WWOX: variants seen among roughly 807,000 people sequenced by gnomAD.
WWOX encodes the protein WW domain-containing oxidoreductase.
A neutral mutation model predicts 46.2 loss-of-function variants in WWOX; 69 were observed. The observed-to-expected ratio is 1.49, with a 90% CI of 1.23 to 1.82. The LOEUF is 1.82. Among genes scored for constraint, WWOX ranks in the 40% most tolerant of loss-of-function variants. The probability of loss-of-function intolerance (pLI) is 0.00; values close to 1 mark genes in which losing one functional copy is unlikely to be tolerated. For synonymous variants in WWOX, 359 were observed against 202.6 expected (o/e 1.77, Z -6.56); for missense variants, 919 against 542.6 (o/e 1.69, Z -6.89).
chr16:78,473,148 G>C (rs1165548656), intron 8 of WWOX, among the ~76,000 whole-genome samples: 1 of 152,142 alleles, frequency 6.6e-6, no homozygotes, highest in Non-Finnish European at 1.5e-5. Flanking sequence ...TGTTTGCTTT[G>C]AGACCGAGTC....
intron 8 of WWOX, among the ~76,000 whole-genome samples, chr16:78,778,187 G>C (rs1324678208): frequency 1.3e-5 from 2 of 152,206 alleles, no homozygotes; most frequent in African/African-American, 4.8e-5. Flanking sequence ...TTAAATCAGG[G>C]TGTGCCTGAT....
chr16:78,356,462 G>C (rs993764394), intron 5 of WWOX, among the ~76,000 whole-genome samples: 1 of 152,128 alleles, frequency 6.6e-6, no homozygotes, highest in Non-Finnish European at 1.5e-5. Context: ...GAAGGAAGGA[G>C]ATATGACACA....
intron 8 of WWOX, among the ~76,000 whole-genome samples, chr16:78,434,972 T>C (rs528472251): frequency 1.3e-5 from 2 of 152,330 alleles, no homozygotes; most frequent in African/African-American, 2.4e-5. Flanking sequence ...GAAGAGTTGA[T>C]TATTATCTAA....
chr16:78,844,873 G>T (rs1004091301), intron 8 of WWOX, among the ~76,000 whole-genome samples: 2 of 152,146 alleles, frequency 1.3e-5, no homozygotes, highest in African/African-American at 4.8e-5. Flanking sequence ...ACCAGGGACT[G>T]AGCATACACC....
Position 78,903,471 on chromosome 16 carries a change from C to G in WWOX, c.1057-308137C>G, listed in dbSNP as rs148130937. Among the ~76,000 whole-genome samples the G allele has an allele frequency of 4.6e-4, 70 of 152,348 alleles. 1 individual carries two copies. Among genetic ancestry groups the G allele is most frequent in the Middle Eastern group, 6.8e-3 (2 of 294 alleles). On this transcript the variant is annotated intron_variant, in intron 8 of 8. Coordinates refer to ENST00000566780, the MANE Select transcript of WWOX (RefSeq NM_016373.4). Reference sequence around the variant, plus strand: ...CAAAGTTACACTCCTATGCAAACGTCTGATTGGTTGCAAAAAGCAAAACCA... The same window carrying G: ...CAAAGTTACACTCCTATGCAAACGTGTGATTGGTTGCAAAAAGCAAAACCA...
At chr16:78,242,060 G>C (rs1367748637) in intron 5 of WWOX, among the ~76,000 whole-genome samples, 1 of 152,196 alleles carries the variant, frequency 6.6e-6, no homozygotes, top group Non-Finnish European at 1.5e-5. Context: ...ATAGAGTCTT[G>C]GTGCAGGAGC....
intron 8 of WWOX, among the ~76,000 whole-genome samples, chr16:78,930,023 G>A (rs1392744675): frequency 6.6e-6 from 1 of 152,070 alleles, no homozygotes; most frequent in African/African-American, 2.4e-5. Flanking sequence ...GGGGTGGCAG[G>A]GAAGTCCCAC....
At chr16:79,203,466 C>A (rs2051406904) in intron 8 of WWOX, 1 of 151,804 alleles carries the variant, frequency 6.6e-6, no homozygotes, top group South Asian at 2.1e-4. Flanking sequence ...TAATTCCTTC[C>A]CATGATGTGG....
chr16:78,900,217 A>T (rs762113009), intron 8 of WWOX, among the ~76,000 whole-genome samples: 5 of 152,052 alleles, frequency 3.3e-5, no homozygotes, highest in African/African-American at 4.8e-5. Flanking sequence ...ACATTTGTTT[A>T]TGACGAGATT....
At chr16:78,859,484 T>G (rs1034280236) in intron 8 of WWOX, among the ~76,000 whole-genome samples, 2 of 152,188 alleles carry the variant, frequency 1.3e-5, no homozygotes, top group African/African-American at 4.8e-5. Context: ...TAATTAAAAA[T>G]GGAATGTGTT....
At chr16:78,654,979 G>A (rs2047049017) in intron 8 of WWOX, among the ~76,000 whole-genome samples, 1 of 151,964 alleles carries the variant, frequency 6.6e-6, no homozygotes. Context: ...TTTAAAATGA[G>A]CACCACCACA....
chr16:78,607,803 G>A (rs781094945), intron 8 of WWOX, among the ~76,000 whole-genome samples: 13 of 152,014 alleles, frequency 8.6e-5, no homozygotes, highest in African/African-American at 3.1e-4. Context: ...TCTTTGGAGC[G>A]TGTCTTTTGG....
chr16:78,635,472 A>G (rs759866600), intron 8 of WWOX, among the ~76,000 whole-genome samples: 1 of 152,160 alleles, frequency 6.6e-6, no homozygotes, highest in Non-Finnish European at 1.5e-5. Context: ...AACATGCACA[A>G]TTAGAAGTCG....
At chr16:78,340,080 A>G (rs111809530) in intron 5 of WWOX, among the ~76,000 whole-genome samples, 19,748 of 87,442 alleles carry the variant, frequency 0.23, 5,550 homozygotes, top group African/African-American at 0.36. Context: ...TGTTTCATGG[A>G]TGATGTTACT....
At chr16:78,176,682 G>A (rs1206028823) in intron 5 of WWOX, among the ~76,000 whole-genome samples, 1 of 152,174 alleles carries the variant, frequency 6.6e-6, no homozygotes, top group Non-Finnish European at 1.5e-5. Context: ...TGAAATGCAG[G>A]TGCTGGAGCA....
chr16:79,044,731 T>C (rs1354180469), intron 8 of WWOX, among the ~76,000 whole-genome samples: 1 of 152,146 alleles, frequency 6.6e-6, no homozygotes, highest in Non-Finnish European at 1.5e-5. Context: ...GCAGGATTAT[T>C]GTAGAGGGGA....
In WWOX at chr16:78,675,285, A is replaced by G. The variant is rs2047566009; in HGVS notation, c.1056+242533A>G. On this transcript the variant is annotated intron_variant, in intron 8 of 8. Coordinates refer to ENST00000566780, the MANE Select transcript of WWOX (RefSeq NM_016373.4). Reference sequence around the variant, plus strand: ...TTTTAATTCAGAAGTTCTTTAAGCTACAGCTGTAATTGAGACAAGAACCGT... The same window carrying G: ...TTTTAATTCAGAAGTTCTTTAAGCTGCAGCTGTAATTGAGACAAGAACCGT... Among the ~76,000 whole-genome samples the G allele has an allele frequency of 2.6e-5, 4 of 152,204 alleles. No homozygotes were observed. In the South Asian group the frequency reaches 8.3e-4, roughly 31 times the overall value.
At chr16:78,197,519 T>A (rs1243413754) in intron 5 of WWOX, among the ~76,000 whole-genome samples, 1 of 152,232 alleles carries the variant, frequency 6.6e-6, no homozygotes, top group Non-Finnish European at 1.5e-5. Flanking sequence ...TCAATTTGAA[T>A]CTGAGTTTAA....
intron 8 of WWOX, among the ~76,000 whole-genome samples, chr16:78,920,968 A>G (rs1056956875): frequency 1.3e-5 from 2 of 152,176 alleles, no homozygotes; most frequent in East Asian, 1.9e-4. Flanking sequence ...TGCAAATACC[A>G]GCAGCAAGGT....
Sources: gnomAD v4.1 joint callset for allele counts (sites outside exome capture counted in the v4.1 genomes callset) on GRCh38, gnomAD v4.1.1 for gene constraint, MANE v1.5 for transcripts, NCBI Gene and HGNC (gene_info 2026-07-23, HGNC 2026-07-21) for gene names.